Variants in FOXK2 observed in about 807,000 individuals in gnomAD.
FOXK2 encodes the protein forkhead box K2.
In FOXK2, 24 loss-of-function variants were observed where a neutral mutation model predicts 53.3. The ratio of observed to expected loss-of-function variants is 0.45; its 90% CI spans 0.33 to 0.63. FOXK2 has a LOEUF of 0.63. Among genes scored for constraint, FOXK2 ranks in the 30% least tolerant of loss-of-function variants. The pLI, the probability that FOXK2 is intolerant of heterozygous loss-of-function variation, is 0.03. For synonymous variants in FOXK2, 505 were observed against 407.1 expected (o/e 1.24, Z -2.89); for missense variants, 952 against 910.5 (o/e 1.05, Z -0.59).
intron 1 of FOXK2, among the ~76,000 whole-genome samples, chr17:82,549,903 G>A (rs2144089724): frequency 6.6e-6 from 1 of 152,332 alleles, no homozygotes; most frequent in South Asian, 2.1e-4. Flanking sequence ...GGGACCTGTA[G>A]TTGAGAAAGC....
chr17:82,520,615 C>T (rs2044351852), intron 1 of FOXK2, among the ~76,000 whole-genome samples: 2 of 152,332 alleles, frequency 1.3e-5, no homozygotes, highest in Admixed American at 1.3e-4. Context: ...GCGGGGAGTT[C>T]ACGTGTGCTG....
chr17:82,584,228 G>A lies in FOXK2; in HGVS notation c.1279+40G>A, dbSNP rs746490556. On this transcript the variant is annotated intron_variant, in intron 6 of 8. Transcript: ENST00000335255. ...GAGGAAGCGAGGGCCCCAACAGCGTGAGCCAGACGCGGACGCCTGGGCTCC... is the reference window on the plus strand; with the variant it reads ...GAGGAAGCGAGGGCCCCAACAGCGTAAGCCAGACGCGGACGCCTGGGCTCC... 7.2e-6 allele frequency: 11 copies of A among 1,533,604 alleles called. No individual in the cohort carries two copies. The East Asian group carries it at 2.4e-4, about 34-fold the overall frequency. 95.0% of individuals were successfully genotyped at this position (1,533,604 alleles called of 1,614,324 possible).
intron 4 of FOXK2, among the ~76,000 whole-genome samples, chr17:82,574,558 G>T (rs1476462926): frequency 6.6e-6 from 1 of 152,184 alleles, no homozygotes; most frequent in Non-Finnish European, 1.5e-5. Flanking sequence ...GACCTCGGGT[G>T]ATCTGCCTGC....
At chr17:82,531,839 G>C (rs997209662) in intron 1 of FOXK2, among the ~76,000 whole-genome samples, 2 of 152,066 alleles carry the variant, frequency 1.3e-5, no homozygotes, top group African/African-American at 4.8e-5. Context: ...TGGACATTTA[G>C]GCTATACTTT....
chr17:82,579,919 C>A (rs2045037597), intron 4 of FOXK2, among the ~76,000 whole-genome samples: 1 of 131,758 alleles, frequency 7.6e-6, no homozygotes, highest in Non-Finnish European at 1.6e-5. Flanking sequence ...GGGCCCAGAT[C>A]CCTCCCACAC....
rs1185918177 is a variant in FOXK2, at chr17:82,586,088, G to A, written c.1464G>A (p.Leu488=). The A allele has an allele frequency of 1.9e-6, 3 of 1,612,648 alleles. No homozygotes were observed. The highest frequency in any genetic ancestry group is 1.7e-6 in the Non-Finnish European group (2 of 1,179,974). Residue 488 remains leucine, a synonymous_variant, in exon 7 of 9, where the codon CTG becomes CTA. Transcript: ENST00000335255. ...PAVSVTSVAG[L]APANTYTVSG... ...TGTCGGTCACCAGTGTGGCCGGACT[G>A]GCCCCAGCGAACACGTACACTGTCT...
chr17:82,548,771 C>A (rs940305290), intron 1 of FOXK2, among the ~76,000 whole-genome samples: 1 of 152,210 alleles, frequency 6.6e-6, no homozygotes, highest in East Asian at 1.9e-4. Context: ...GTGACCTCAC[C>A]CTGGGGGAGG....
At chr17:82,567,361 G>C in intron 2 of FOXK2, among the ~76,000 whole-genome samples, 1 of 152,196 alleles carries the variant, frequency 6.6e-6, no homozygotes, top group East Asian at 1.9e-4. Context: ...AGAAATGCAC[G>C]TGCCCTTTAA....
intron 4 of FOXK2, among the ~76,000 whole-genome samples, 193 bp from the exon 5 acceptor site, chr17:82,582,548 G>A (rs975294183): frequency 2.0e-5 from 3 of 152,122 alleles, no homozygotes; most frequent in African/African-American, 7.2e-5. Flanking sequence ...CTTCCCCATA[G>A]GATGGGCCTT....
At chr17:82,579,981 G>T (rs111649595) in intron 4 of FOXK2, among the ~76,000 whole-genome samples, 92 of 111,578 alleles carry the variant, frequency 8.2e-4, no homozygotes, top group African/African-American at 3.1e-3. Context: ...CATCCACAGG[G>T]CCCAGATCCC....
At chr17:82,575,203 T>C (rs4789799) in intron 4 of FOXK2, among the ~76,000 whole-genome samples, 90,646 of 151,982 alleles carry the variant, frequency 0.6, 27,581 homozygotes, top group South Asian at 0.79. Flanking sequence ...CTGCTGCTCC[T>C]GCCGGGCTGG....
intron 5 of FOXK2, among the ~76,000 whole-genome samples, chr17:82,583,542 C>T (rs527606386): frequency 4.4e-4 from 67 of 152,344 alleles, no homozygotes; most frequent in East Asian, 9.6e-4. Flanking sequence ...AGCGAAACTC[C>T]GTCTCAAAAC....
chr17:82,573,028 A>C (rs2044936069), intron 4 of FOXK2, among the ~76,000 whole-genome samples: 1 of 152,000 alleles, frequency 6.6e-6, no homozygotes, highest in Non-Finnish European at 1.5e-5. Context: ...CTGTCTCTAC[A>C]AAAAATAAAA....
intron 4 of FOXK2, among the ~76,000 whole-genome samples, chr17:82,574,322 T>A: frequency 1.4e-5 from 1 of 69,958 alleles, no homozygotes; most frequent in South Asian, 4.1e-4. Context: ...ACTCTCTCTC[T>A]TTTTTTTTTT....
chr17:82,522,334 C>T (rs2044371451), intron 1 of FOXK2, among the ~76,000 whole-genome samples: 1 of 151,612 alleles, frequency 6.6e-6, no homozygotes. Context: ...ACCACTCCTC[C>T]CACATACCTG....
intron 4 of FOXK2, chr17:82,578,070 G>A (rs977947755): frequency 1.3e-5 from 2 of 152,298 alleles, no homozygotes; most frequent in Non-Finnish European, 2.9e-5. Context: ...ACTGTACTCT[G>A]GACTCACCCT....
Position 82,537,106 on chromosome 17 carries a change from C to T in FOXK2, c.419+16799C>T, listed in dbSNP as rs566476403. On this transcript the variant is annotated intron_variant, in intron 1 of 8. Transcript: ENST00000335255. Reference sequence around the variant, plus strand: ...TTGTAGAAGGTTCTTGCTGCTGGATCCACTCAGCTCCTGGGCAGTTGGTGG... The same window carrying T: ...TTGTAGAAGGTTCTTGCTGCTGGATTCACTCAGCTCCTGGGCAGTTGGTGG... 2.6e-5 allele frequency among the ~76,000 whole-genome samples: 4 copies of T among 152,206 alleles called. No individual in the cohort carries two copies. In the South Asian group the frequency reaches 8.3e-4, roughly 32 times the overall value.
At chr17:82,556,889 GT>G (rs1275132437) in intron 1 of FOXK2, among the ~76,000 whole-genome samples, 1 of 151,792 alleles carries the variant, frequency 6.6e-6, no homozygotes, top group Non-Finnish European at 1.5e-5. Flanking sequence ...TTTTAGTAGA[GT>G]CAGGGTCTCA....
chr17:82,588,827 G>A (rs2045224129), intron 8 of FOXK2, among the ~76,000 whole-genome samples: 1 of 150,384 alleles, frequency 6.6e-6, no homozygotes, highest in African/African-American at 2.5e-5. Flanking sequence ...GAGGTGGGTG[G>A]ATCACGAGGT....
Sources: gnomAD v4.1 joint callset for allele counts (sites outside exome capture counted in the v4.1 genomes callset) on GRCh38, gnomAD v4.1.1 for gene constraint, MANE v1.5 for transcripts, NCBI Gene and HGNC (gene_info 2026-07-23, HGNC 2026-07-21) for gene names.